CHODL: variants seen among roughly 807,000 people sequenced by gnomAD.
The protein encoded by CHODL is transmembrane protein MT75.
CHODL carries 29 observed loss-of-function variants against 34.5 expected under a neutral mutation model. That is an observed-to-expected ratio of 0.84 (90% CI 0.63 to 1.15). CHODL has a LOEUF of 1.15. Among genes scored for constraint, CHODL ranks in the 50% most tolerant of loss-of-function variants. The pLI is 0.00. For missense variants in CHODL, 332 were observed against 332.5 expected, an observed-to-expected ratio of 1.00 and a Z score of 0.01; for synonymous variants, 125 against 116.1, an observed-to-expected ratio of 1.08 and a Z score of -0.49.
At chr21:17,993,007 CTTCCTCTTT>C (rs1445068797) in intron 1 of CHODL, among the ~76,000 whole-genome samples, 1 of 152,090 alleles carries the variant, frequency 6.6e-6, no homozygotes, top group Admixed American at 6.5e-5. Context: ...GACAATTTTA[CTTCCTCTTT>C]TGCAATTTGA....
chr21:18,003,518 C>T (rs926908788), intron 1 of CHODL, among the ~76,000 whole-genome samples: 4 of 151,936 alleles, frequency 2.6e-5, no homozygotes, highest in Admixed American at 6.6e-5. Flanking sequence ...TATTGTTTCA[C>T]TGAATAATGC....
intron 2 of CHODL, among the ~76,000 whole-genome samples, chr21:18,089,068 T>A (rs139876546): frequency 2.0e-5 from 3 of 152,330 alleles, no homozygotes; most frequent in Admixed American, 6.5e-5. Context: ...TGCCTGAAGA[T>A]TCAGCTATAA....
intron 2 of CHODL, among the ~76,000 whole-genome samples, chr21:18,130,160 G>A (rs1183637689): frequency 2.0e-5 from 3 of 152,036 alleles, no homozygotes; most frequent in Non-Finnish European, 4.4e-5. Context: ...CAATAATGCA[G>A]ATATTTACTT....
In CHODL at chr21:18,251,773, T is replaced by C. The variant is rs1392575779; in HGVS notation, c.80-4736T>C. Among the ~76,000 whole-genome samples, 5 of 143,900 alleles carry C rather than the reference T, an allele frequency of 3.5e-5. No homozygotes were observed. The East Asian group carries it at 9.9e-4, about 29-fold the overall frequency. 94.4% of individuals were successfully genotyped at this position (143,900 alleles called of 152,430 possible). ...TATTTATTTTAATATATAAAATAAA[T>C]ATTTATATACTTTATATAAAGAAGC... On this transcript the variant is annotated intron_variant, in intron 1 of 5. Transcript: ENST00000299295.
intron 2 of CHODL, among the ~76,000 whole-genome samples, chr21:18,172,268 T>C (rs533345446): frequency 6.6e-6 from 1 of 152,324 alleles, no homozygotes; most frequent in South Asian, 2.1e-4. Context: ...CTTAGGAAAA[T>C]GTTATTCACA....
intron 2 of CHODL, among the ~76,000 whole-genome samples, chr21:18,094,580 T>C (rs2065114957): frequency 6.6e-6 from 1 of 151,370 alleles, no homozygotes; most frequent in South Asian, 2.1e-4. Context: ...CACATGAAAA[T>C]TAAACAATAT....
chr21:18,224,552 A>G (rs1279172946), intron 2 of CHODL, among the ~76,000 whole-genome samples: 2 of 152,142 alleles, frequency 1.3e-5, no homozygotes, highest in East Asian at 3.9e-4. Flanking sequence ...ACCCACCAGA[A>G]GCCTTGACAC....
At chr21:17,977,974 G>T (rs1051033698) in intron 1 of CHODL, among the ~76,000 whole-genome samples, 18 of 151,072 alleles carry the variant, frequency 1.2e-4, no homozygotes, top group African/African-American at 4.1e-4. Context: ...AGGGAAAACA[G>T]GTTTTGGTAG....
intron 2 of CHODL, among the ~76,000 whole-genome samples, chr21:18,173,508 T>C (rs533488649): frequency 6.6e-6 from 1 of 152,330 alleles, no homozygotes; most frequent in South Asian, 2.1e-4. Context: ...GCATACTGAC[T>C]ATATTCCAAA....
intron 2 of CHODL, among the ~76,000 whole-genome samples, chr21:18,109,373 C>A (rs1311143398): frequency 6.6e-6 from 1 of 151,876 alleles, no homozygotes; most frequent in African/African-American, 2.4e-5. Context: ...ATCTAATCAC[C>A]ATGGGGCTGC....
chr21:18,198,268 T>C (rs1045821855), intron 2 of CHODL, among the ~76,000 whole-genome samples: 1 of 152,146 alleles, frequency 6.6e-6, no homozygotes, highest in Non-Finnish European at 1.5e-5. Context: ...AAATGGGAAA[T>C]CAACAGCAAG....
intron 2 of CHODL, among the ~76,000 whole-genome samples, chr21:18,131,073 G>A (rs574178084): frequency 4.6e-5 from 7 of 152,152 alleles, no homozygotes; most frequent in East Asian, 1.9e-4. Flanking sequence ...GCAAATGGCC[G>A]CCTGGCTTGC....
intron 2 of CHODL, among the ~76,000 whole-genome samples, chr21:18,120,869 C>A (rs950878459): frequency 1.3e-5 from 2 of 152,020 alleles, no homozygotes; most frequent in Admixed American, 1.3e-4. Context: ...GTACTCACAT[C>A]CCAATATAGT....
chr21:18,152,572 T>C (rs909821796), intron 2 of CHODL, among the ~76,000 whole-genome samples: 1 of 152,238 alleles, frequency 6.6e-6, no homozygotes, highest in Non-Finnish European at 1.5e-5. Flanking sequence ...GGCCAGGAGT[T>C]GTTCTCAGCT....
chr21:18,184,178 T>G (rs994340111), intron 2 of CHODL, among the ~76,000 whole-genome samples: 9 of 152,220 alleles, frequency 5.9e-5, no homozygotes, highest in Non-Finnish European at 1.0e-4. Context: ...AATTTGATGA[T>G]TTGGGGAAGA....
Position 18,119,720 on chromosome 21 carries a change from A to G in CHODL, c.-45+91749A>G, listed in dbSNP as rs376727875. ...AGATTATATAATAGCAGTGGAGGAA[A>G]GAGAACATAAAGTAGGGATGGAAAT... On this transcript the variant is annotated intron_variant, in intron 2 of 6. Transcript: ENST00000400127. Among the ~76,000 whole-genome samples the G allele has an allele frequency of 3.2e-4, 48 of 152,228 alleles. 1 individual carries two copies. Among genetic ancestry groups the G allele is most frequent in the East Asian group, 2.7e-3 (14 of 5,184 alleles).
At chr21:18,177,951 A>G (rs1431716727) in intron 2 of CHODL, among the ~76,000 whole-genome samples, 1 of 152,066 alleles carries the variant, frequency 6.6e-6, no homozygotes, top group African/African-American at 2.4e-5. Context: ...AAAAATATCT[A>G]TTTTCATTGA....
At chr21:18,187,601 T>A (rs1461316061) in intron 2 of CHODL, among the ~76,000 whole-genome samples, 1 of 152,164 alleles carries the variant, frequency 6.6e-6, no homozygotes, top group East Asian at 1.9e-4. Context: ...GGCTGCCTCT[T>A]TTTATTGAGA....
rs1205510233 is a variant in CHODL, at chr21:18,174,121, GTGTATATATA to G, written c.-44-82386_-44-82377del. Among the ~76,000 whole-genome samples the G allele has an allele frequency of 2.2e-3, 132 of 60,698 alleles. 12 individuals are homozygous for G. Among genetic ancestry groups the G allele is most frequent in the South Asian group, 3.5e-3 (6 of 1,696 alleles). 39.8% of individuals were successfully genotyped at this position (60,698 alleles called of 152,430 possible). On this transcript the variant is annotated intron_variant, in intron 2 of 6. Transcript: ENST00000400127. ...AGGATATATATATATATATATCTTGGTGTATATATATATATATATATATATATATATATAT... is the reference window on the plus strand; with the variant it reads ...AGGATATATATATATATATATCTTGGTATATATATATATATATATATATAT...
Sources: allele counts gnomAD v4.1 joint callset (sites outside exome capture counted in the v4.1 genomes callset), GRCh38; gene constraint gnomAD v4.1.1; transcripts MANE v1.5; gene names NCBI Gene and HGNC (gene_info 2026-07-23, HGNC 2026-07-21).